The following KMT2A variants were observed in gnomAD, a reference collection of about 807,000 sequenced individuals.
The protein encoded by KMT2A is histone-lysine N-methyltransferase 2A.
Under a neutral mutation model 345.3 loss-of-function variants are expected in KMT2A, and 16 were observed. That is an observed-to-expected ratio of 0.05 (90% confidence interval 0.03 to 0.07). The LOEUF (loss-of-function observed/expected upper bound fraction) is 0.07. KMT2A is among the 10% of genes least tolerant of loss of function. KMT2A has a pLI of 1.00. For missense variants in KMT2A, 3,272 were observed against 4,841.6 expected, an observed-to-expected ratio of 0.68 and a Z score of 9.62; for synonymous variants, 1,599 against 1,778.6, an observed-to-expected ratio of 0.90 and a Z score of 2.54.
intron 11 of KMT2A, 51 bp from the exon 12 acceptor site, chr11:118,489,741 T>G (rs535164148): frequency 2.0e-5 from 29 of 1,463,874 alleles, no homozygotes; most frequent in Non-Finnish European, 2.7e-5. Context: ...TAATAGGTGT[T>G]GGGTGAAGGT....
At chr11:118,463,319 A>G (rs1248547437) in intron 1 of KMT2A, among the ~76,000 whole-genome samples, 1 of 152,132 alleles carries the variant, frequency 6.6e-6, no homozygotes, top group Non-Finnish European at 1.5e-5. Context: ...ATTGATTATT[A>G]TATGTATAGT....
rs1949438847 is a variant in KMT2A at position 118,447,161 on chromosome 11, T to C, written c.432+10217T>C. 2.0e-5 allele frequency among the ~76,000 whole-genome samples: 3 copies of C among 152,220 alleles called. 1 individual carries two copies. In the South Asian group the frequency reaches 6.2e-4, roughly 31 times the overall value. ...ACTTCTTTCCTGTTTTCTTTTTGTG[T>C]TTTGTATGTTATCCTTAAAAAATTT... On this transcript the variant is annotated intron_variant, in intron 1 of 35. Coordinates refer to ENST00000534358, the MANE Select transcript of KMT2A (RefSeq NM_001197104.2).
rs1555039618 is a variant in KMT2A at position 118,482,461 on chromosome 11, C to A, written c.4052C>A (p.Pro1351Gln). ...QSKQKKVAPR[P>Q]SIPVKQKPKE... ...AAACAGAAAAAAGTGGCTCCCCGCC[C>A]AAGTATCCCTGTAAAACAAAAACCA... The change falls in exon 8 of 36, where the codon CCA becomes CAA. Residue 1351 changes from proline to glutamine, a missense_variant. Coordinates refer to ENST00000534358, the MANE Select transcript of KMT2A (RefSeq NM_001197104.2). 6.2e-7 allele frequency: 1 copy of A among 1,613,092 alleles called. No homozygotes were observed. The highest frequency in any genetic ancestry group is 8.5e-7 in the Non-Finnish European group (1 of 1,179,604).
At chr11:118,507,868 CAGG>C (rs1380701836) in intron 28 of KMT2A, 3 of 368,436 alleles carry the variant, frequency 8.1e-6, no homozygotes, top group Non-Finnish European at 1.6e-5. Context: ...GAGGCTGAGG[CAGG>C]AGAAGGGCGT....
Position 118,520,360 on chromosome 11 carries a change from TG to T in KMT2A, c.11429+299del. 1 of 369,612 alleles carries T rather than the reference TG, an allele frequency of 2.7e-6. No homozygotes were observed. The highest frequency in any genetic ancestry group is 4.4e-5 in the South Asian group (1 of 22,756). The allele number at this position is 369,612 out of a possible 1,614,324, so 22.9% of individuals were successfully genotyped here. A position where few individuals can be genotyped will look rare whatever the true frequency, so the allele number is the denominator to read the frequency against. On this transcript the variant is annotated intron_variant, in intron 33 of 35. Coordinates refer to ENST00000534358, the MANE Select transcript of KMT2A (RefSeq NM_001197104.2). The surrounding 1 kb of genome is among the most constrained non-coding windows in gnomAD (Gnocchi z 4.3). ...CAGAAAGTACTATATATACTAAAAA[TG>T]GGACTCATTGGCCAGGCACAGTGGC...
intron 1 of KMT2A, chr11:118,439,208 G>T: frequency 2.6e-6 from 1 of 389,196 alleles, no homozygotes; most frequent in Non-Finnish European, 5.0e-6. Flanking sequence ...TCATTTACCT[G>T]CTTATTTTCA....
chr11:118,511,038 A>T (rs1950677273), intron 30 of KMT2A, among the ~76,000 whole-genome samples: 1 of 152,170 alleles, frequency 6.6e-6, no homozygotes. Flanking sequence ...GGGAAGGTGG[A>T]TAGGGCACAG....
In KMT2A at chr11:118,472,833, C is replaced by T. The variant is rs1555036124; in HGVS notation, c.1674C>T (p.Ser558=). ...AAAGTGCCCCCCAGCAGCAGACCTC[C>T]TCGTCTCCACCTCCACCTCTGCTGA... ...TLQSAPQQQT[S]SSPPPPLLTP... is the part of the protein sequence containing the mutation. The change falls in exon 3 of 36, where the codon TCC becomes TCT. Residue 558 remains serine, a synonymous_variant. Transcript: ENST00000534358. 4 of 1,613,800 alleles carry T rather than the reference C, an allele frequency of 2.5e-6. No homozygotes were observed. Among genetic ancestry groups the T allele is most frequent in the African/African-American group, 1.3e-5 (1 of 74,824 alleles).
rs1336844843 is a variant in KMT2A, at chr11:118,495,422, G to A, written c.5364-278G>A. Among the ~76,000 whole-genome samples the A allele has an allele frequency of 1.3e-5, 2 of 152,104 alleles. No individual in the cohort carries two copies. The highest frequency in any genetic ancestry group is 4.8e-5 in the African/African-American group (2 of 41,412). ...CCGCCTGCCTCACCCTCCCAAAAGT[G>A]CTGGGATTACAGGCATGAGCCACCA... On this transcript the variant is annotated intron_variant, in intron 18 of 35. Coordinates refer to ENST00000534358, the MANE Select transcript of KMT2A (RefSeq NM_001197104.2). The surrounding 1 kb of genome is among the most constrained non-coding windows in gnomAD (Gnocchi z 4.1).
intron 31 of KMT2A, among the ~76,000 whole-genome samples, chr11:118,516,487 A>C (rs1359292331): frequency 6.6e-6 from 1 of 152,156 alleles, no homozygotes; most frequent in Admixed American, 6.5e-5. Flanking sequence ...TAAATTAACT[A>C]TGTTTTCTAA....
At position 118,505,494 on chromosome 11, in the gene KMT2A, T is replaced by C. The variant is rs547769395; in HGVS notation, c.9602T>C (p.Val3201Ala). 6.2e-7 allele frequency: 1 copy of C among 1,614,208 alleles called. No individual in the cohort carries two copies. The highest frequency in any genetic ancestry group is 1.7e-5 in the Admixed American group (1 of 60,024). ...VQPPPDPQLL[V>A]SESSQRTDLS... ...CCTCCTCCGGATCCCCAACTTTTGG[T>C]TTCAGAATCCAGCCAGAGGACAGAC... The change falls in exon 27 of 36, where the codon GTT (valine) becomes GCT (alanine). Residue 3201 changes from valine (V) to alanine (A), a missense_variant. By Grantham distance (64) the Val-to-Ala change is moderately conservative (BLOSUM62 0). This residue lies in a region of KMT2A where 748 missense variants were observed against 922.2 expected (regional missense o/e 0.81). Transcript: ENST00000534358. The surrounding 1 kb of genome is among the most constrained non-coding windows in gnomAD (Gnocchi z 4.6).
intron 1 of KMT2A, among the ~76,000 whole-genome samples, chr11:118,466,660 A>G (rs1482230119): frequency 2.6e-5 from 4 of 152,130 alleles, no homozygotes; most frequent in African/African-American, 9.7e-5. Context: ...TACTAAAAAT[A>G]CAAAATTAGC....
chr11:118,514,431 T>C (rs1376024119), intron 31 of KMT2A, among the ~76,000 whole-genome samples: 3 of 149,660 alleles, frequency 2.0e-5, no homozygotes, highest in Non-Finnish European at 4.4e-5. Context: ...TCCAGATCCA[T>C]CCATGTGTCT....
chr11:118,510,177 A>G lies in KMT2A; in HGVS notation c.11071+59A>G. On this transcript the variant is annotated intron_variant, in intron 30 of 35. Transcript: ENST00000534358. The surrounding 1 kb of genome is among the most constrained non-coding windows in gnomAD (Gnocchi z 4.1). ...GAAGCCCTGTTTCAGCTAGAGCTTC[A>G]TTTTCTGAGTATTAGCACCATTTAG... is the stretch of plus-strand genomic sequence containing the variant. 1.4e-6 allele frequency: 2 copies of G among 1,402,072 alleles called. No homozygotes were observed. Among genetic ancestry groups the G allele is most frequent in the Admixed American group, 4.1e-5 (2 of 49,170 alleles). The allele number at this position is 1,402,072 out of a possible 1,614,324, so 86.9% of individuals were successfully genotyped here.
Position 118,526,548 on chromosome 11 carries a change from T to A in KMT2A, c.*4376T>A. 1 of 230,870 alleles carries A rather than the reference T, an allele frequency of 4.3e-6. No individual in the cohort carries two copies. Among genetic ancestry groups the A allele is most frequent in the Non-Finnish European group, 8.6e-6 (1 of 116,778 alleles). The allele number at this position is 230,870 out of a possible 1,614,324, so 14.3% of individuals were successfully genotyped here. Reference sequence around the variant, plus strand: ...TCATGTATAACAGATCTGTTTTTTTTCCTTGTGTTCTTCCAAGCTTCTGGT... The same window carrying A: ...TCATGTATAACAGATCTGTTTTTTTACCTTGTGTTCTTCCAAGCTTCTGGT... On this transcript the variant is annotated 3_prime_UTR_variant, in exon 36 of 36. Transcript: ENST00000534358.
chr11:118,471,595 C>A, intron 2 of KMT2A, 67 bp from the exon 3 acceptor site: 1 of 1,103,560 alleles, frequency 9.1e-7, no homozygotes. Context: ...AAGTTATATT[C>A]AGCTTAGTTA....
rs782784187 is a variant in KMT2A at position 118,473,985 on chromosome 11, G to A, written c.2826G>A (p.Gly942=). Residue 942 remains glycine (G), a synonymous_variant, in exon 3 of 36, where the codon GGG becomes GGA. Transcript: ENST00000534358. The surrounding 1 kb of genome is among the most constrained non-coding windows in gnomAD (Gnocchi z 5.2). ...GRKKSSSHDS[G]TDITSVTLGD... is the part of the protein sequence containing the mutation. ...AGAAGTCTTCATCACATGATTCTGGGACTGATATTACTTCTGTGACTCTTG... is the reference window on the plus strand; with the variant it reads ...AGAAGTCTTCATCACATGATTCTGGAACTGATATTACTTCTGTGACTCTTG... The A allele has an allele frequency of 3.1e-6, 5 of 1,613,822 alleles. No homozygotes were observed. Among genetic ancestry groups the A allele is most frequent in the Non-Finnish European group, 4.2e-6 (5 of 1,179,926 alleles).
rs2134398931 is a variant in KMT2A, at chr11:118,504,365, G to C, written c.8473G>C (p.Asp2825His). ...TACCCCCTCCGACAAAAATTTACTG[G>C]ACACCTATAATACTGAGCTCCTGAA... ...TSTPSDKNLL[D>H]TYNTELLKSD... is the part of the protein sequence containing the mutation. Residue 2825 changes from aspartate to histidine, a missense_variant, in exon 27 of 36, where the codon GAC (aspartate) becomes CAC (histidine). This residue lies in a region of KMT2A where 100 missense variants were observed against 101.3 expected (regional missense o/e 0.99). Transcript: ENST00000534358. The surrounding 1 kb of genome is among the most constrained non-coding windows in gnomAD (Gnocchi z 6.4). The C allele has an allele frequency of 6.2e-7, 1 of 1,614,170 alleles. No homozygotes were observed. The highest frequency in any genetic ancestry group is 8.5e-7 in the Non-Finnish European group (1 of 1,180,024).
In KMT2A at chr11:118,504,289, C is replaced by T. The variant is rs931897373; in HGVS notation, c.8397C>T (p.Ser2799=). Residue 2799 remains serine (S), a synonymous_variant, in exon 27 of 36, where the codon TCC becomes TCT. Transcript: ENST00000534358. This position sits in a 1 kb window ranked among gnomAD's most constrained non-coding sequence, Gnocchi z 6.4. ...VSRVKTQGQD[S]LEAQLSSLES... ...GAGTTAAAACACAGGGACAAGATTC[C>T]TTGGAAGCTCAGCTCAGCTCATTGG... 1.1e-5 allele frequency: 18 copies of T among 1,614,118 alleles called. No individual in the cohort carries two copies. The highest frequency in any genetic ancestry group is 1.1e-4 in the African/African-American group (8 of 75,034).
Sources: gnomAD v4.1 joint callset for allele counts (sites outside exome capture counted in the v4.1 genomes callset) on GRCh38, gnomAD v4.1.1 for gene constraint, gnomAD v4.1.1 regional missense constraint, Gnocchi (gnomAD v3.1) non-coding constraint, MANE v1.5 for transcripts, NCBI Gene and HGNC (gene_info 2026-07-23, HGNC 2026-07-21) for gene names.